The following PYURF variants were observed in gnomAD, a reference collection of about 807,000 sequenced individuals.
PYURF encodes the protein PIGY upstream open reading frame, also known as protein preY, mitochondrial.
A neutral mutation model predicts 8.0 loss-of-function variants in PYURF; 9 were observed. The observed-to-expected ratio is 1.13, with a 90% CI of 0.68 to 1.97. PYURF has a LOEUF of 1.97. Among genes scored for constraint, PYURF ranks in the 30% most tolerant of loss-of-function variants. PYURF has a pLI of 0.00. For synonymous variants in PYURF, 56 were observed against 68.3 expected (o/e 0.82, Z 0.89); for missense variants, 130 against 158.0 (o/e 0.82, Z 0.95).
intron 1 of PYURF, among the ~76,000 whole-genome samples, chr4:88,523,037 C>T (rs1218176680): frequency 6.6e-6 from 1 of 151,986 alleles, no homozygotes; most frequent in Non-Finnish European, 1.5e-5. Flanking sequence ...TGTCTCTCGA[C>T]TCCTGAGGAG....
chr4:88,523,453 G>A (rs1275939516), intron 1 of PYURF, 45 bp downstream of exon 1: 3 of 1,542,718 alleles, frequency 1.9e-6, no homozygotes, highest in South Asian at 2.4e-5. Context: ...CTCCCTTTCC[G>A]CCCACCGGGA....
intron 1 of PYURF, 145 bp downstream of exon 1, chr4:88,523,352 GC>G: frequency 1.2e-6 from 1 of 836,058 alleles, no homozygotes; most frequent in Non-Finnish European, 1.9e-6. Context: ...CCCGCTGTGC[GC>G]CCGGCGAGGA....
In PYURF at chr4:88,523,709, A is replaced by G. The variant is rs1742473966; in HGVS notation, c.-9T>C. ...CGTGCTCCACTCAGCATGGTCTGGC[A>G]GCCGGAGACCAGGCCTCACCGCAGC... On this transcript the variant is annotated 5_prime_UTR_variant, in exon 1 of 2. Coordinates refer to ENST00000273968, the MANE Select transcript of PYURF (RefSeq NM_032906.5). 1 of 1,459,670 alleles carries G rather than the reference A, an allele frequency of 6.9e-7. No homozygotes were observed. Among genetic ancestry groups the G allele is most frequent in the East Asian group, 2.6e-5 (1 of 38,142 alleles). 90.4% of individuals were successfully genotyped at this position (1,459,670 alleles called of 1,614,324 possible).
In PYURF at chr4:88,523,603, G is replaced by A. The variant is rs898075744; in HGVS notation, c.98C>T (p.Ser33Leu). The change falls in exon 1 of 2, where the codon TCG becomes TTG. Residue 33 changes from serine to leucine, a missense_variant. Ser to Leu is a moderately radical substitution (Grantham distance 145). Transcript: ENST00000273968. The stretch of plus-strand genomic sequence containing the variant: ...CTTGCCCCGGTCGGCCAAAGGCCGC[G>A]ACCCCGACGCGTGCAGGCACCTACG... ...VARRCLHASG[S>L]RPLADRGKKT... is the part of the protein sequence containing the mutation. 14 of 1,548,890 alleles carry A rather than the reference G, an allele frequency of 9.0e-6. No homozygotes were observed. The highest frequency in any genetic ancestry group is 6.8e-5 in the African/African-American group (5 of 73,004).
chr4:88,521,999 A>G lies in PYURF; in HGVS notation c.234T>C (p.Asn78=). Residue 78 remains asparagine (N), a synonymous_variant, in exon 2 of 2, where the codon AAT becomes AAC. Coordinates refer to ENST00000273968, the MANE Select transcript of PYURF (RefSeq NM_032906.5). ...TTGGATAAGCTATTCCCAACTCTTCATTAATCAATTCGTTTGTTGATGCTT... is the reference window on the plus strand; with the variant it reads ...TTGGATAAGCTATTCCCAACTCTTCGTTAATCAATTCGTTTGTTGATGCTT... ...RYEASTNELI[N]EELGIAYPII... 1.9e-6 allele frequency: 3 copies of G among 1,549,710 alleles called. No homozygotes were observed. The highest frequency in any genetic ancestry group is 2.6e-6 in the Non-Finnish European group (3 of 1,146,470).
At chr4:88,522,940 C>G (rs564273540) in intron 1 of PYURF, among the ~76,000 whole-genome samples, 1 of 152,244 alleles carries the variant, frequency 6.6e-6, no homozygotes, top group South Asian at 2.1e-4. Flanking sequence ...TGTCCTGAAT[C>G]GCAGTGGTTC....
Position 88,521,552 on chromosome 4 carries a change from C to A in PYURF, c.*336G>T. 1 of 1,556,768 alleles carries A rather than the reference C, an allele frequency of 6.4e-7. No homozygotes were observed. ...GCCCAAGAGCTATCATTAATATATACAGCATATTGACTCTAGTTGCATCAA... is the reference window on the plus strand; with the variant it reads ...GCCCAAGAGCTATCATTAATATATAAAGCATATTGACTCTAGTTGCATCAA... On this transcript the variant is annotated 3_prime_UTR_variant, in exon 2 of 2. Transcript: ENST00000273968.
At position 88,521,533 on chromosome 4, in the gene PYURF, G is replaced by A. The variant is rs1217184183; in HGVS notation, c.*355C>T. ...TGAGCTTTCAGAGATCGATGCCCAA[G>A]AGCTATCATTAATATATACAGCATA... On this transcript the variant is annotated 3_prime_UTR_variant, in exon 2 of 2. Coordinates refer to ENST00000273968, the MANE Select transcript of PYURF (RefSeq NM_032906.5). 6.6e-7 allele frequency: 1 copy of A among 1,514,186 alleles called. No individual in the cohort carries two copies. The highest frequency in any genetic ancestry group is 9.1e-7 in the Non-Finnish European group (1 of 1,095,640). The allele number at this position is 1,514,186 out of a possible 1,614,324, so 93.8% of individuals were successfully genotyped here.
rs1476561798 is a variant in PYURF, at chr4:88,523,745, G to A, written c.-45C>T. Reference sequence around the variant, plus strand: ...AGGCCTCACCGCAGCCTCGCCACCCGTGGCCGAGCTCCCGGCTTCCCGTTC... The same window carrying A: ...AGGCCTCACCGCAGCCTCGCCACCCATGGCCGAGCTCCCGGCTTCCCGTTC... On this transcript the variant is annotated 5_prime_UTR_variant, in exon 1 of 2. The change creates a new upstream start codon in the 5' untranslated region. Coordinates refer to ENST00000273968, the MANE Select transcript of PYURF (RefSeq NM_032906.5). The A allele has an allele frequency of 1.4e-6, 2 of 1,393,364 alleles. No individual in the cohort carries two copies. The highest frequency in any genetic ancestry group is 1.5e-5 in the African/African-American group (1 of 65,510). 86.3% of individuals were successfully genotyped at this position (1,393,364 alleles called of 1,614,324 possible). A position where few individuals can be genotyped will look rare whatever the true frequency, so the allele number is the denominator to read the frequency against.
Position 88,523,487 on chromosome 4 carries a change from C to T in PYURF, c.203+11G>A, listed in dbSNP as rs1447680472. The T allele has an allele frequency of 1.3e-6, 2 of 1,551,114 alleles. No homozygotes were observed. The highest frequency in any genetic ancestry group is 1.4e-5 in the African/African-American group (1 of 73,062). ...GAGGCTGCAAAGGAAGGGCCAAGGC[C>T]AGCGAGTTACCTGAGCGGCTTCTTG... On this transcript the variant is annotated intron_variant, in intron 1 of 1. Coordinates refer to ENST00000273968, the MANE Select transcript of PYURF (RefSeq NM_032906.5).
Position 88,521,433 on chromosome 4 carries a change from C to T in PYURF, c.*455G>A. 1 of 724,928 alleles carries T rather than the reference C, an allele frequency of 1.4e-6. No homozygotes were observed. Among genetic ancestry groups the T allele is most frequent in the Non-Finnish European group, 2.2e-6 (1 of 444,886 alleles). 44.9% of individuals were successfully genotyped at this position (724,928 alleles called of 1,614,324 possible). A position where few individuals can be genotyped will look rare whatever the true frequency, so the allele number is the denominator to read the frequency against. ...AGTACAATAAAAGAAGCATCTGCAA[C>T]TTAAGCCTCCCACAGTCCTAAGCCT... On this transcript the variant is annotated 3_prime_UTR_variant, in exon 2 of 2. Transcript: ENST00000273968.
chr4:88,523,704 C>T lies in PYURF; in HGVS notation c.-4G>A. 1 of 1,465,174 alleles carries T rather than the reference C, an allele frequency of 6.8e-7. No individual in the cohort carries two copies. Among genetic ancestry groups the T allele is most frequent in the South Asian group, 1.4e-5 (1 of 72,510 alleles). 90.8% of individuals were successfully genotyped at this position (1,465,174 alleles called of 1,614,324 possible). A position where few individuals can be genotyped will look rare whatever the true frequency, so the allele number is the denominator to read the frequency against. On this transcript the variant is annotated 5_prime_UTR_variant, in exon 1 of 2. Coordinates refer to ENST00000273968, the MANE Select transcript of PYURF (RefSeq NM_032906.5). ...TGCAGCGTGCTCCACTCAGCATGGT[C>T]TGGCAGCCGGAGACCAGGCCTCACC...
intron 1 of PYURF, among the ~76,000 whole-genome samples, 200 bp downstream of exon 1, chr4:88,523,298 G>A (rs1742445405): frequency 6.6e-6 from 1 of 152,224 alleles, no homozygotes; most frequent in Non-Finnish European, 1.5e-5. Context: ...CGTTCTGGGA[G>A]ATGTGGGACG....
At chr4:88,523,233 C>A (rs1347732881) in intron 1 of PYURF, among the ~76,000 whole-genome samples, 1 of 152,220 alleles carries the variant, frequency 6.6e-6, no homozygotes, top group African/African-American at 2.4e-5. Flanking sequence ...GATTGCAATG[C>A]GCAGCCGGTC....
chr4:88,523,084 A>G (rs528065170), intron 1 of PYURF, among the ~76,000 whole-genome samples: 3 of 151,428 alleles, frequency 2.0e-5, no homozygotes, highest in African/African-American at 7.3e-5. Context: ...TGGGCAACGT[A>G]GGGGGCACCC....
Position 88,522,099 on chromosome 4 carries a change from C to T in PYURF, c.204-70G>A, listed in dbSNP as rs569882927. On this transcript the variant is annotated intron_variant, in intron 1 of 1. Coordinates refer to ENST00000273968, the MANE Select transcript of PYURF (RefSeq NM_032906.5). Reference sequence around the variant, plus strand: ...AATGCTTGAAGAGCCTGATTTTCAACAAATACCACCATTTATCCAATTTTT... The same window carrying T: ...AATGCTTGAAGAGCCTGATTTTCAATAAATACCACCATTTATCCAATTTTT... 24 of 1,371,826 alleles carry T rather than the reference C, an allele frequency of 1.7e-5. No individual in the cohort carries two copies. In the East Asian group the frequency reaches 4.6e-4, roughly 26 times the overall value. The allele number at this position is 1,371,826 out of a possible 1,614,324, so 85.0% of individuals were successfully genotyped here.
At position 88,523,524 on chromosome 4, in the gene PYURF, C is replaced by G. The variant is rs1183729995; in HGVS notation, c.177G>C (p.Val59=). The change falls in exon 1 of 2, where the codon GTG becomes GTC. Residue 59 remains valine (V), a synonymous_variant. Transcript: ENST00000273968. ...DFDPALLEFL[V]CPLSKKPLRY... is the part of the protein sequence containing the mutation. The stretch of plus-strand genomic sequence containing the variant: ...TGAGCGGCTTCTTGGAGAGCGGGCA[C>G]ACCAGGAACTCCAGCAGCGCCGGAT... 6.4e-7 allele frequency: 1 copy of G among 1,551,314 alleles called. No homozygotes were observed. Among genetic ancestry groups the G allele is most frequent in the Non-Finnish European group, 8.7e-7 (1 of 1,146,886 alleles).
chr4:88,523,738 G>C lies in PYURF; in HGVS notation c.-38C>G. ...GGAGACCAGGCCTCACCGCAGCCTC[G>C]CCACCCGTGGCCGAGCTCCCGGCTT... is the stretch of plus-strand genomic sequence containing the variant. On this transcript the variant is annotated 5_prime_UTR_variant, in exon 1 of 2. Coordinates refer to ENST00000273968, the MANE Select transcript of PYURF (RefSeq NM_032906.5). 1 of 1,398,504 alleles carries C rather than the reference G, an allele frequency of 7.2e-7. No individual in the cohort carries two copies. The highest frequency in any genetic ancestry group is 9.2e-7 in the Non-Finnish European group (1 of 1,082,848). The allele number at this position is 1,398,504 out of a possible 1,614,324, so 86.6% of individuals were successfully genotyped here. A position where few individuals can be genotyped will look rare whatever the true frequency, so the allele number is the denominator to read the frequency against.
intron 1 of PYURF, among the ~76,000 whole-genome samples, chr4:88,522,588 TG>T (rs1742410078): frequency 6.6e-6 from 1 of 152,244 alleles, no homozygotes; most frequent in Non-Finnish European, 1.5e-5. Context: ...TTGAATAATA[TG>T]TTTATTACGG....
Sources: allele counts gnomAD v4.1 joint callset (sites outside exome capture counted in the v4.1 genomes callset), GRCh38; gene constraint gnomAD v4.1.1; transcripts MANE v1.5; gene names NCBI Gene and HGNC (gene_info 2026-07-23, HGNC 2026-07-21).